The following TGM2 variants were observed in gnomAD, a reference collection of about 807,000 sequenced individuals.
The protein encoded by TGM2 is transglutaminase 2, also known as protein-glutamine gamma-glutamyltransferase 2.
TGM2 carries 53 observed loss-of-function variants against 75.6 expected under a neutral mutation model. The ratio of observed to expected loss-of-function variants is 0.70; its 90% CI spans 0.56 to 0.88. The LOEUF is 0.88. Ranked by LOEUF, TGM2 falls within the 40% of genes least tolerant of loss-of-function variation. The pLI, the probability that TGM2 is intolerant of heterozygous loss-of-function variation, is 0.00. For missense variants in TGM2, 842 were observed against 928.5 expected (o/e 0.91, Z 1.21); for synonymous variants, 374 against 381.1 (o/e 0.98, Z 0.22).
intron 4 of TGM2, among the ~76,000 whole-genome samples, 194 bp from the exon 5 acceptor site, chr20:38,148,283 G>A (rs1175284632): frequency 1.3e-5 from 2 of 152,216 alleles, no homozygotes; most frequent in Non-Finnish European, 2.9e-5. Flanking sequence ...GACAATGACT[G>A]GGTGAGCCAT....
At position 38,131,211 on chromosome 20, in the gene TGM2, G is replaced by T. The variant is rs868777782; in HGVS notation, c.1795C>A (p.Gln599Lys). The T allele has an allele frequency of 6.2e-7, 1 of 1,613,836 alleles. No homozygotes were observed. Among genetic ancestry groups the T allele is most frequent in the Non-Finnish European group, 8.5e-7 (1 of 1,180,020 alleles). Residue 599 changes from glutamine (Q) to lysine (K), a missense_variant, in exon 12 of 13, where the codon CAG becomes AAG. By Grantham distance (53) the Gln-to-Lys change is moderately conservative. Transcript: ENST00000361475. ...IKIRILGEPK[Q>K]KRKLVAEVSL... ...ACCTCAGCCACCAGCTTGCGTTTCT[G>T]CTTGGGCTCCCCAAGGATCTGGAAG...
At chr20:38,135,143 A>C (rs2074883193) in intron 10 of TGM2, among the ~76,000 whole-genome samples, 1 of 152,206 alleles carries the variant, frequency 6.6e-6, no homozygotes, top group Admixed American at 6.5e-5. Flanking sequence ...CAGGGTCCCG[A>C]TGGTGACTTA....
Position 38,142,200 on chromosome 20 carries a change from C to T in TGM2, c.860-1G>A, listed in dbSNP as rs774484703. 6.2e-7 allele frequency: 1 copy of T among 1,614,190 alleles called. No homozygotes were observed. The highest frequency in any genetic ancestry group is 8.5e-7 in the Non-Finnish European group (1 of 1,180,032). On this transcript the variant is annotated splice_acceptor_variant, in intron 6 of 12. Transcript: ENST00000361475. LOFTEE classifies it high-confidence loss of function. ...GTAGGGATGCCCAGGCACCTCAGCA[C>T]TGTTGGAGAGGAGTGGAAAGCGGGG...
At chr20:38,141,259 C>A in intron 8 of TGM2, 23 bp downstream of exon 8, 1 of 1,541,134 alleles carries the variant, frequency 6.5e-7, no homozygotes, top group Non-Finnish European at 8.8e-7. Flanking sequence ...ATCTGTTTGA[C>A]GCGACAGTGC....
At chr20:38,131,284 T>C (rs1600475727) in intron 11 of TGM2, 55 bp from the exon 12 acceptor site, 1 of 1,610,100 alleles carries the variant, frequency 6.2e-7, no homozygotes, top group African/African-American at 1.3e-5. Flanking sequence ...GGCTGGGCTG[T>C]CTGCATTCAC....
intron 1 of TGM2, among the ~76,000 whole-genome samples, chr20:38,163,410 G>T (rs1488583186): frequency 2.6e-5 from 4 of 152,204 alleles, no homozygotes; most frequent in Admixed American, 2.6e-4. Flanking sequence ...AAAGTGCCTT[G>T]TATGTGAATT....
chr20:38,138,573 T>A (rs1183108711), intron 9 of TGM2, among the ~76,000 whole-genome samples, 188 bp from the exon 10 acceptor site: 2 of 152,050 alleles, frequency 1.3e-5, no homozygotes, highest in Admixed American at 1.3e-4. Flanking sequence ...CTCCTATACA[T>A]CCCTCAAGAC....
intron 10 of TGM2, among the ~76,000 whole-genome samples, chr20:38,134,706 C>T (rs185278420): frequency 1.9e-3 from 294 of 152,112 alleles, no homozygotes; most frequent in African/African-American, 6.9e-3. Flanking sequence ...GAGGAGAGAG[C>T]ATGAAAGGGT....
At chr20:38,138,534 C>T (rs747907631) in intron 9 of TGM2, 149 bp from the exon 10 acceptor site, 7 of 1,456,198 alleles carry the variant, frequency 4.8e-6, no homozygotes, top group Non-Finnish European at 6.5e-6. Context: ...CAGAAGGACA[C>T]AGCATTTCAT....
At chr20:38,162,674 T>C (rs1043026298) in intron 1 of TGM2, among the ~76,000 whole-genome samples, 1 of 152,164 alleles carries the variant, frequency 6.6e-6, no homozygotes, top group Non-Finnish European at 1.5e-5. Context: ...GGCATAATGG[T>C]GATATCAAAG....
chr20:38,156,164 C>G, intron 2 of TGM2, 75 bp from the exon 3 acceptor site: 1 of 1,546,618 alleles, frequency 6.5e-7, no homozygotes, highest in Non-Finnish European at 8.7e-7. Context: ...GTGGGGTCCC[C>G]CAGCTTGGGC....
chr20:38,165,378 G>C, upstream of TGM2: 1 of 827,652 alleles, frequency 1.2e-6, no homozygotes, highest in Non-Finnish European at 1.9e-6. Context: ...CCAGTCCCGG[G>C]CCCACGCCGC....
At chr20:38,154,951 C>T (rs1476505957) in intron 3 of TGM2, among the ~76,000 whole-genome samples, 1 of 152,178 alleles carries the variant, frequency 6.6e-6, no homozygotes, top group African/African-American at 2.4e-5. Context: ...ACTAAAAATA[C>T]AAAAATTAGC....
chr20:38,135,202 T>C (rs991151460), intron 10 of TGM2, among the ~76,000 whole-genome samples: 1 of 152,204 alleles, frequency 6.6e-6, no homozygotes, highest in Non-Finnish European at 1.5e-5. Context: ...GATTTTGGTG[T>C]GTCTGGCCCA....
rs1222379497 is a variant in TGM2 at position 38,130,124 on chromosome 20, T to C, written c.*95A>G. ...ATAGGCTGCCCACCCTGCCCTGGGGTCTGGGGCCCAAGAAGGGGCATATTT... is the reference window on the plus strand; with the variant it reads ...ATAGGCTGCCCACCCTGCCCTGGGGCCTGGGGCCCAAGAAGGGGCATATTT... On this transcript the variant is annotated 3_prime_UTR_variant, in exon 13 of 13. Transcript: ENST00000361475. The C allele has an allele frequency of 6.5e-7, 1 of 1,544,820 alleles. No individual in the cohort carries two copies. Among genetic ancestry groups the C allele is most frequent in the African/African-American group, 1.4e-5 (1 of 73,982 alleles).
intron 7 of TGM2, among the ~76,000 whole-genome samples, chr20:38,141,612 C>T (rs2074976207): frequency 6.6e-6 from 1 of 151,972 alleles, no homozygotes; most frequent in African/African-American, 2.4e-5. Context: ...TTCTCAACTC[C>T]TCTCCCCTCC....
At chr20:38,134,126 C>T (rs2074868706) in intron 10 of TGM2, among the ~76,000 whole-genome samples, 3 of 152,066 alleles carry the variant, frequency 2.0e-5, no homozygotes, top group Admixed American at 6.6e-5. Context: ...GATTGAGACC[C>T]GAGGAGACAG....
intron 3 of TGM2, among the ~76,000 whole-genome samples, chr20:38,152,899 G>A (rs2075130476): frequency 6.6e-6 from 1 of 152,252 alleles, no homozygotes; most frequent in Admixed American, 6.5e-5. Context: ...CCAGAACCAC[G>A]CTTCCCATTC....
chr20:38,145,193 C>T lies in TGM2; in HGVS notation c.859+1524G>A, dbSNP rs180716181. 2.6e-5 allele frequency among the ~76,000 whole-genome samples: 4 copies of T among 152,258 alleles called. No individual in the cohort carries two copies. The East Asian group carries it at 7.7e-4, about 29-fold the overall frequency. On this transcript the variant is annotated intron_variant, in intron 6 of 12. Coordinates refer to ENST00000361475, the MANE Select transcript of TGM2 (RefSeq NM_004613.4). ...CGAGCTGAGAACCTAGGTTAGGCTG[C>T]CCTGACCCAGCCTGCTGGTGTGGAG... is the stretch of plus-strand genomic sequence containing the variant.
Sources: gnomAD v4.1 joint callset for allele counts (sites outside exome capture counted in the v4.1 genomes callset) on GRCh38, gnomAD v4.1.1 for gene constraint, MANE v1.5 for transcripts, NCBI Gene and HGNC (gene_info 2026-07-23, HGNC 2026-07-21) for gene names.